CD2AP: variants seen among roughly 807,000 people sequenced by gnomAD.
CD2AP encodes CD2 associated protein, also known as CD2-associated protein.
A neutral mutation model predicts 85.1 loss-of-function variants in CD2AP; 46 were observed. That is an observed-to-expected ratio of 0.54 (90% CI 0.43 to 0.69). The LOEUF (loss-of-function observed/expected upper bound fraction) is 0.69, where lower values mean the gene tolerates loss of function less well. Among genes scored for constraint, CD2AP ranks in the 30% least tolerant of loss-of-function variants. The pLI is 0.00. For missense variants in CD2AP, 769 were observed against 729.5 expected (o/e 1.05, Z -0.62); for synonymous variants, 255 against 252.9 (o/e 1.01, Z -0.08).
intron 1 of CD2AP, among the ~76,000 whole-genome samples, chr6:47,491,099 T>A (rs935859513): frequency 2.6e-4 from 40 of 152,260 alleles, no homozygotes; most frequent in Middle Eastern, 3.4e-3. Context: ...TATTAGTTAA[T>A]GACATTAAGC....
At chr6:47,529,183 G>GGC (rs1766805294) in intron 2 of CD2AP, among the ~76,000 whole-genome samples, 2 of 60,142 alleles carry the variant, frequency 3.3e-5, no homozygotes, top group African/African-American at 1.8e-4. Context: ...CTCTAGTACT[G>GGC]CCCCCCCCCC....
chr6:47,483,792 GTT>G (rs1381345401), intron 1 of CD2AP, among the ~76,000 whole-genome samples: 27 of 113,920 alleles, frequency 2.4e-4, no homozygotes, highest in East Asian at 2.6e-4. Flanking sequence ...TGATGTGCCT[GTT>G]TTTTTTTTTT....
intron 4 of CD2AP, among the ~76,000 whole-genome samples, chr6:47,546,388 T>G (rs1767365320): frequency 6.6e-6 from 1 of 152,044 alleles, no homozygotes; most frequent in Admixed American, 6.6e-5. Flanking sequence ...GTTGGCCTTC[T>G]TGAGGAAGAA....
At chr6:47,531,830 T>C (rs1172096118) in intron 2 of CD2AP, among the ~76,000 whole-genome samples, 1 of 152,094 alleles carries the variant, frequency 6.6e-6, no homozygotes, top group African/African-American at 2.4e-5. Flanking sequence ...CCCAGCACTT[T>C]GGGAGGTCGA....
chr6:47,574,703 T>G (rs963760409), intron 6 of CD2AP, among the ~76,000 whole-genome samples: 3 of 151,864 alleles, frequency 2.0e-5, no homozygotes, highest in African/African-American at 7.2e-5. Flanking sequence ...TTCCTCTAGA[T>G]TGTCAACATT....
At chr6:47,601,697 T>C (rs1053390330) in intron 13 of CD2AP, among the ~76,000 whole-genome samples, 1 of 151,972 alleles carries the variant, frequency 6.6e-6, no homozygotes, top group African/African-American at 2.4e-5. Flanking sequence ...ATGTTAATAC[T>C]TCAAAAAAAG....
rs760777753 is a variant in CD2AP, at chr6:47,625,963, TTTC to T, written c.*1742_*1744del. 1.1e-4 allele frequency: 16 copies of T among 151,878 alleles called. No homozygotes were observed. The highest frequency in any genetic ancestry group is 2.2e-4 in the Non-Finnish European group (15 of 67,784). The allele number at this position is 151,878 out of a possible 1,614,324, so 9.4% of individuals were successfully genotyped here. A position where few individuals can be genotyped will look rare whatever the true frequency, so the allele number is the denominator to read the frequency against. On this transcript the variant is annotated 3_prime_UTR_variant, in exon 18 of 18. Coordinates refer to ENST00000359314, the MANE Select transcript of CD2AP (RefSeq NM_012120.3). Reference sequence around the variant, plus strand: ...TTAAATGACTAGTCAAATGAATTATTTTCTTCTTGTTAAATAAATTAAATCTTA... The same window carrying T: ...TTAAATGACTAGTCAAATGAATTATTTTCTTGTTAAATAAATTAAATCTTA...
At chr6:47,621,193 C>T (rs1769734987) in intron 17 of CD2AP, among the ~76,000 whole-genome samples, 1 of 152,084 alleles carries the variant, frequency 6.6e-6, no homozygotes, top group Non-Finnish European at 1.5e-5. Context: ...TCATAGATAG[C>T]TTTTATTACA....
intron 2 of CD2AP, among the ~76,000 whole-genome samples, chr6:47,505,011 C>CTTTTTTT (rs58060161): frequency 1.8e-4 from 17 of 95,094 alleles, no homozygotes; most frequent in Admixed American, 7.7e-4. Context: ...GTGGCAGTTT[C>CTTTTTTT]TTTTTTTTTT....
intron 1 of CD2AP, among the ~76,000 whole-genome samples, chr6:47,502,233 G>A (rs548776883): frequency 1.3e-5 from 2 of 152,142 alleles, no homozygotes; most frequent in East Asian, 3.8e-4. Flanking sequence ...TTCAAAGCGA[G>A]CAAGGGAAAA....
At chr6:47,588,576 G>A (rs1768692067) in intron 11 of CD2AP, among the ~76,000 whole-genome samples, 1 of 152,104 alleles carries the variant, frequency 6.6e-6, no homozygotes, top group South Asian at 2.1e-4. Context: ...TGTTTCAAGA[G>A]CAAAGAACAG....
At chr6:47,589,551 T>C (rs62397732) in intron 11 of CD2AP, among the ~76,000 whole-genome samples, 6,949 of 130,780 alleles carry the variant, frequency 0.053, 594 homozygotes, top group African/African-American at 0.16. Context: ...CACATATATA[T>C]ACACACACAC....
chr6:47,565,691 C>T (rs912870884), intron 5 of CD2AP, among the ~76,000 whole-genome samples: 1 of 152,090 alleles, frequency 6.6e-6, no homozygotes, highest in Admixed American at 6.6e-5. Flanking sequence ...TAACCTCGCA[C>T]CCTACCATGA....
At chr6:47,618,286 C>T (rs1361034874) in intron 17 of CD2AP, among the ~76,000 whole-genome samples, 1 of 152,140 alleles carries the variant, frequency 6.6e-6, no homozygotes, top group East Asian at 1.9e-4. Context: ...TGCCACTGCA[C>T]TCCAGCCTGG....
At chr6:47,596,114 GT>G in intron 12 of CD2AP, 88 bp downstream of exon 12, 1 of 934,832 alleles carries the variant, frequency 1.1e-6, no homozygotes, top group African/African-American at 1.7e-5. Flanking sequence ...CTCCAGGTAT[GT>G]TTTTTCTTAT....
At chr6:47,533,143 T>C (rs1405369032) in intron 2 of CD2AP, among the ~76,000 whole-genome samples, 2 of 152,244 alleles carry the variant, frequency 1.3e-5, no homozygotes, top group Non-Finnish European at 2.9e-5. Flanking sequence ...AAATAAAGTT[T>C]TATTGGAACA....
intron 5 of CD2AP, among the ~76,000 whole-genome samples, chr6:47,560,660 C>T (rs1331865918): frequency 6.6e-6 from 1 of 152,096 alleles, no homozygotes; most frequent in Non-Finnish European, 1.5e-5. Flanking sequence ...TTTGGAGGCA[C>T]ATGGTGTCCA....
At chr6:47,617,493 C>T (rs770869456) in intron 17 of CD2AP, among the ~76,000 whole-genome samples, 3 of 152,134 alleles carry the variant, frequency 2.0e-5, no homozygotes, top group Non-Finnish European at 4.4e-5. Flanking sequence ...AGCATGTCCC[C>T]AGTTAAATTT....
intron 17 of CD2AP, among the ~76,000 whole-genome samples, chr6:47,617,724 T>C (rs1199576354): frequency 7.3e-6 from 1 of 137,246 alleles, no homozygotes; most frequent in East Asian, 2.0e-4. Flanking sequence ...AGTACTCTAA[T>C]TCTTATCTCA....
Sources: allele counts gnomAD v4.1 joint callset (sites outside exome capture counted in the v4.1 genomes callset), GRCh38; gene constraint gnomAD v4.1.1; transcripts MANE v1.5; gene names NCBI Gene and HGNC (gene_info 2026-07-23, HGNC 2026-07-21).